The following MBD5 variants were observed in gnomAD, a reference collection of about 807,000 sequenced individuals.
MBD5 encodes the protein methyl-CpG binding domain protein 5.
MBD5 carries 13 observed loss-of-function variants against 117.3 expected under a neutral mutation model. The observed-to-expected ratio is 0.11, with a 90% CI of 0.07 to 0.18. MBD5 has a LOEUF of 0.18. MBD5 is among the 10% of genes least tolerant of loss of function. MBD5 has a pLI of 1.00. For synonymous variants in MBD5, 727 were observed against 766.4 expected (o/e 0.95, Z 0.85); for missense variants, 1,879 against 2,093.8 (o/e 0.90, Z 2.00).
chr2:148,345,568 TATACACATACATATGTATATACAC>T (rs1233062241), intron 4 of MBD5, among the ~76,000 whole-genome samples: 19,791 of 93,912 alleles, frequency 0.21, 2,457 homozygotes, highest in Non-Finnish European at 0.22. Context: ...TATATACACG[TATACACATACATATGTATATACAC>T]GTATACACAT....
intron 1 of MBD5, among the ~76,000 whole-genome samples, chr2:148,099,606 A>G (rs1206313765): frequency 3.3e-5 from 5 of 152,180 alleles, no homozygotes; most frequent in Non-Finnish European, 7.3e-5. Context: ...AAAGAAAGGT[A>G]AAATGAGCTG....
At chr2:148,366,301 A>AAACTATTGATAGTTTATTGGTGG (rs142509539) in intron 4 of MBD5, among the ~76,000 whole-genome samples, 1 of 151,252 alleles carries the variant, frequency 6.6e-6, no homozygotes, top group Non-Finnish European at 1.5e-5. Flanking sequence ...AACTATCAAT[A>AAACTATTGATAGTTTATTGGTGG]AACTAGGTAT....
At chr2:148,369,662 T>C (rs543757527) in intron 4 of MBD5, among the ~76,000 whole-genome samples, 2 of 152,284 alleles carry the variant, frequency 1.3e-5, no homozygotes, top group South Asian at 2.1e-4. Flanking sequence ...TGTAATACTT[T>C]TTCTTTTTGT....
At chr2:148,046,651 G>A (rs911059908) in intron 1 of MBD5, among the ~76,000 whole-genome samples, 2 of 152,032 alleles carry the variant, frequency 1.3e-5, no homozygotes, top group South Asian at 4.1e-4. Context: ...TCCTAAGTCC[G>A]CTCAGTTCTA....
intron 1 of MBD5, among the ~76,000 whole-genome samples, chr2:148,106,575 T>C (rs545632894): frequency 2.0e-5 from 3 of 152,078 alleles, no homozygotes; most frequent in East Asian, 3.9e-4. Context: ...ATATTTGAAT[T>C]TATTTCCACC....
At chr2:148,336,838 A>G (rs1702802247) in intron 3 of MBD5, among the ~76,000 whole-genome samples, 1 of 152,178 alleles carries the variant, frequency 6.6e-6, no homozygotes, top group South Asian at 2.1e-4. Flanking sequence ...ACCATGTGCC[A>G]GCATCTACTT....
At chr2:148,385,033 C>T (rs2105472575) in intron 4 of MBD5, among the ~76,000 whole-genome samples, 2 of 152,260 alleles carry the variant, frequency 1.3e-5, no homozygotes. Context: ...TAGGCAATAC[C>T]ATTCAGGACA....
At position 148,064,121 on chromosome 2, in the gene MBD5, C is replaced by CTTTTTTTTTTTTTTTTTTTTTTTTT. The variant is rs200434229; in HGVS notation, c.-925+42443_-925+42444insTTTTTTTTTTTTTTTTTTTTTTTTT. 4.8e-5 allele frequency among the ~76,000 whole-genome samples: 6 copies of CTTTTTTTTTTTTTTTTTTTTTTTTT among 126,152 alleles called. 2 individuals carry two copies. The highest frequency in any genetic ancestry group is 3.3e-5 in the Non-Finnish European group (2 of 61,272). 82.8% of individuals were successfully genotyped at this position (126,152 alleles called of 152,430 possible). ...GAAACATACTATTCCCACCAGCTGT[C>CTTTTTTTTTTTTTTTTTTTTTTTTT]TTTTTTCTTTTTTTTTTTTTTTGAG... On this transcript the variant is annotated intron_variant, in intron 1 of 13. Coordinates refer to ENST00000642680, the MANE Select transcript of MBD5 (RefSeq NM_001378120.1).
intron 2 of MBD5, among the ~76,000 whole-genome samples, chr2:148,194,763 G>GAAAAAAAAAAAATAAAAAAAAAAAA: frequency 8.0e-6 from 1 of 124,456 alleles, no homozygotes; most frequent in Non-Finnish European, 1.7e-5. Flanking sequence ...AGTATAATAA[G>GAAAAAAAAAAAATAAAAAAAAAAAA]AAAAAAAAAA....
intron 3 of MBD5, among the ~76,000 whole-genome samples, chr2:148,272,844 C>T (rs1329650385): frequency 6.6e-6 from 1 of 152,032 alleles, no homozygotes; most frequent in Non-Finnish European, 1.5e-5. Context: ...TTTGCATTTG[C>T]CTGATATATC....
At chr2:148,200,709 A>G (rs1699115336) in intron 2 of MBD5, among the ~76,000 whole-genome samples, 1 of 151,536 alleles carries the variant, frequency 6.6e-6, no homozygotes, top group African/African-American at 2.4e-5. Flanking sequence ...AAAAAAAAAA[A>G]GAAATGTAAT....
intron 3 of MBD5, among the ~76,000 whole-genome samples, chr2:148,298,305 G>A (rs1228848788): frequency 6.6e-6 from 1 of 152,164 alleles, no homozygotes; most frequent in Non-Finnish European, 1.5e-5. Flanking sequence ...GAAGATATCA[G>A]AGCCCTTGGC....
chr2:148,317,819 A>G (rs1425470887), intron 3 of MBD5, among the ~76,000 whole-genome samples: 1 of 152,210 alleles, frequency 6.6e-6, no homozygotes, highest in East Asian at 1.9e-4. Flanking sequence ...GTAGTATTCC[A>G]TGGCATATAT....
At chr2:148,452,449 G>A (rs1173451920) in intron 4 of MBD5, among the ~76,000 whole-genome samples, 4 of 152,068 alleles carry the variant, frequency 2.6e-5, no homozygotes, top group Non-Finnish European at 4.4e-5. Context: ...GCAGTGAGCC[G>A]TGATTGTGCC....
chr2:148,405,298 C>T (rs1191168492), intron 4 of MBD5, among the ~76,000 whole-genome samples: 1 of 152,092 alleles, frequency 6.6e-6, no homozygotes, highest in Non-Finnish European at 1.5e-5. Flanking sequence ...AAATAACATG[C>T]TTTTCAAGGT....
At chr2:148,426,621 C>G (rs1705798662) in intron 4 of MBD5, among the ~76,000 whole-genome samples, 1 of 152,112 alleles carries the variant, frequency 6.6e-6, no homozygotes, top group Non-Finnish European at 1.5e-5. Context: ...GAAACTGGAT[C>G]CCTTCCTTAC....
chr2:148,270,805 C>G lies in MBD5; in HGVS notation c.-680+37410C>G, dbSNP rs80064376. Among the ~76,000 whole-genome samples the G allele has an allele frequency of 4.4e-4, 67 of 152,178 alleles. No homozygotes were observed. The East Asian group carries it at 0.012, about 27-fold the overall frequency. On this transcript the variant is annotated intron_variant, in intron 3 of 13. Transcript: ENST00000642680. ...CCCTACCTTTCTTGGATTCCTACAG[C>G]AGGTTGGCCCCCTCCTCACCTTTCA...
chr2:148,314,386 T>G (rs1418302782), intron 3 of MBD5, among the ~76,000 whole-genome samples: 1 of 147,370 alleles, frequency 6.8e-6, no homozygotes, highest in African/African-American at 2.5e-5. Flanking sequence ...GTTTTTTTTT[T>G]TTTTTTTTTG....
chr2:148,322,383 A>G (rs540692549), intron 3 of MBD5, among the ~76,000 whole-genome samples: 33 of 152,218 alleles, frequency 2.2e-4, no homozygotes, highest in African/African-American at 7.7e-4. Context: ...TCATTTTTCT[A>G]TTTCCTATTG....
Sources: gnomAD v4.1 joint callset for allele counts (sites outside exome capture counted in the v4.1 genomes callset) on GRCh38, gnomAD v4.1.1 for gene constraint, MANE v1.5 for transcripts, NCBI Gene and HGNC (gene_info 2026-07-23, HGNC 2026-07-21) for gene names.